APP: variants seen among roughly 807,000 people sequenced by gnomAD.
APP encodes the protein amyloid-beta precursor protein.
Under a neutral mutation model 101.4 loss-of-function variants are expected in APP, and 31 were observed. That is an observed-to-expected ratio of 0.31 (90% confidence interval 0.23 to 0.41). APP has a LOEUF of 0.41. APP is among the 10% of genes least tolerant of loss of function. The pLI is 1.00. For missense variants in APP, 839 were observed against 1,003.7 expected (o/e 0.84, Z 2.22); for synonymous variants, 366 against 364.4 (o/e 1.00, Z -0.05).
intron 3 of APP, among the ~76,000 whole-genome samples, chr21:26,058,014 C>T (rs369497665): frequency 1.3e-5 from 2 of 152,186 alleles, no homozygotes; most frequent in East Asian, 1.9e-4. Context: ...CTTAAACACA[C>T]GGTAGGATTA....
At chr21:26,063,910 A>T (rs2046364532) in intron 3 of APP, among the ~76,000 whole-genome samples, 2 of 152,224 alleles carry the variant, frequency 1.3e-5, no homozygotes, top group African/African-American at 4.8e-5. Context: ...CAGGTGATCA[A>T]GGTCAATGCC....
At chr21:25,882,856 T>C (rs1355565209) in intron 17 of APP, among the ~76,000 whole-genome samples, 2 of 152,170 alleles carry the variant, frequency 1.3e-5, no homozygotes, top group Non-Finnish European at 2.9e-5. Flanking sequence ...GGCTGCTCAT[T>C]CATCTCTGGG....
At chr21:26,020,742 A>T (rs1209479510) in intron 6 of APP, among the ~76,000 whole-genome samples, 1 of 152,182 alleles carries the variant, frequency 6.6e-6, no homozygotes, top group Non-Finnish European at 1.5e-5. Context: ...AGAACTCTTT[A>T]AGGAACAAAT....
rs116811431 is a variant in APP at position 26,054,270 on chromosome 21, G to C, written c.356-922C>G. Among the ~76,000 whole-genome samples, 413 of 117,378 alleles carry C rather than the reference G, an allele frequency of 3.5e-3. 1 individual carries two copies. The highest frequency in any genetic ancestry group is 0.011 in the African/African-American group (398 of 37,408). 77.0% of individuals were successfully genotyped at this position (117,378 alleles called of 152,430 possible). ...AATGGTGAGAAGTAGTATGCCACAT[G>C]GGAAATGAATTGAACTTCCATAACG... is the stretch of plus-strand genomic sequence containing the variant. On this transcript the variant is annotated intron_variant, in intron 3 of 17. Coordinates refer to ENST00000346798, the MANE Select transcript of APP (RefSeq NM_000484.4).
intron 3 of APP, among the ~76,000 whole-genome samples, chr21:26,063,257 T>A (rs1280221925): frequency 6.6e-6 from 1 of 152,228 alleles, no homozygotes; most frequent in Non-Finnish European, 1.5e-5. Context: ...TATAGCTTAA[T>A]ATAAATACAA....
In APP at chr21:26,071,690, A is replaced by C. The variant is rs148966557; in HGVS notation, c.355+18253T>G. On this transcript the variant is annotated intron_variant, in intron 3 of 17. Coordinates refer to ENST00000346798, the MANE Select transcript of APP (RefSeq NM_000484.4). ...ACCCAGAACTGTGGTTTTTTGAAGA[A>C]AATGCTGGAAAAGATTCTGATTTGG... 2.8e-3 allele frequency among the ~76,000 whole-genome samples: 427 copies of C among 152,316 alleles called. 2 individuals are homozygous for C. Among genetic ancestry groups the C allele is most frequent in the African/African-American group, 9.6e-3 (399 of 41,568 alleles).
chr21:26,031,495 A>C (rs1026548597), intron 5 of APP, among the ~76,000 whole-genome samples: 2 of 152,226 alleles, frequency 1.3e-5, no homozygotes, highest in Non-Finnish European at 2.9e-5. Context: ...TTACAGTTCC[A>C]CATGGCTGGG....
intron 13 of APP, among the ~76,000 whole-genome samples, chr21:25,926,055 A>G (rs1046395683): frequency 6.6e-6 from 1 of 152,238 alleles, no homozygotes; most frequent in Non-Finnish European, 1.5e-5. Flanking sequence ...GAATATTGCC[A>G]AAACACCAGA....
chr21:26,168,370 A>T (rs1431111716), intron 1 of APP, among the ~76,000 whole-genome samples: 1 of 152,104 alleles, frequency 6.6e-6, no homozygotes, highest in African/African-American at 2.4e-5. Flanking sequence ...CCACCCTCAA[A>T]CCTCAGTAGA....
At chr21:26,023,889 C>T (rs995685268) in intron 5 of APP, among the ~76,000 whole-genome samples, 5 of 152,122 alleles carry the variant, frequency 3.3e-5, no homozygotes, top group African/African-American at 1.2e-4. Context: ...AGAATAATGG[C>T]AAGAGATAAC....
At chr21:26,170,774 G>A (rs1255675946), upstream of APP, 8 of 802,192 alleles carry the variant, frequency 1.0e-5, no homozygotes, top group Non-Finnish European at 1.4e-5. Flanking sequence ...AACTGACGGA[G>A]CCCGAGCGCG....
At chr21:25,972,795 A>G (rs546025331) in intron 11 of APP, among the ~76,000 whole-genome samples, 37 of 151,970 alleles carry the variant, frequency 2.4e-4, no homozygotes, top group African/African-American at 8.2e-4. Flanking sequence ...TGATGACTTC[A>G]TGGGTAAACA....
intron 13 of APP, among the ~76,000 whole-genome samples, chr21:25,921,630 A>G (rs113764099): frequency 7.7e-6 from 1 of 129,398 alleles, no homozygotes; most frequent in Admixed American, 8.1e-5. Flanking sequence ...ATCTAGAAGA[A>G]ATGGATACAT....
chr21:25,917,712 G>A (rs2039421342), intron 13 of APP, among the ~76,000 whole-genome samples: 1 of 152,150 alleles, frequency 6.6e-6, no homozygotes, highest in African/African-American at 2.4e-5. Context: ...TAAAGGAGGT[G>A]CCACTCAGCC....
intron 3 of APP, among the ~76,000 whole-genome samples, chr21:26,084,959 C>G (rs1042018480): frequency 3.9e-5 from 6 of 152,146 alleles, no homozygotes; most frequent in Non-Finnish European, 7.4e-5. Context: ...TTCAATGGTA[C>G]TACATACAAA....
intron 11 of APP, among the ~76,000 whole-genome samples, chr21:25,962,528 T>A (rs1315833436): frequency 6.6e-6 from 1 of 152,110 alleles, no homozygotes; most frequent in Non-Finnish European, 1.5e-5. Context: ...AACAAACACC[T>A]CTCTACTCAG....
intron 6 of APP, among the ~76,000 whole-genome samples, chr21:26,003,072 C>T (rs980934650): frequency 1.5e-4 from 23 of 152,180 alleles, no homozygotes; most frequent in Non-Finnish European, 2.5e-4. Flanking sequence ...ATTATATTAA[C>T]ATTTTCCTAT....
intron 1 of APP, among the ~76,000 whole-genome samples, chr21:26,153,408 A>G (rs918151459): frequency 1.3e-5 from 2 of 152,214 alleles, no homozygotes; most frequent in Non-Finnish European, 2.9e-5. Context: ...TTTTAAGGTT[A>G]AAGGTATATA....
At chr21:26,039,678 C>T (rs2045284842) in intron 5 of APP, among the ~76,000 whole-genome samples, 1 of 152,152 alleles carries the variant, frequency 6.6e-6, no homozygotes, top group South Asian at 2.1e-4. Context: ...CAACAGTGAA[C>T]ATTCATCAGT....
Sources: gnomAD v4.1 joint callset for allele counts (sites outside exome capture counted in the v4.1 genomes callset) on GRCh38, gnomAD v4.1.1 for gene constraint, MANE v1.5 for transcripts, NCBI Gene and HGNC (gene_info 2026-07-23, HGNC 2026-07-21) for gene names.